Variants in TTLL5 observed in about 807,000 individuals in gnomAD.
The protein encoded by TTLL5 is tubulin polyglutamylase TTLL5.
In TTLL5, 132 loss-of-function variants were observed where a neutral mutation model predicts 168.4. That is an observed-to-expected ratio of 0.78 (90% CI 0.68 to 0.91). The LOEUF (loss-of-function observed/expected upper bound fraction) is 0.91. TTLL5 is among the 40% of genes least tolerant of loss of function. The probability of loss-of-function intolerance (pLI) is 0.00; values close to 1 mark genes in which losing one functional copy is unlikely to be tolerated. For synonymous variants in TTLL5, 546 were observed against 558.6 expected (o/e 0.98, Z 0.32); for missense variants, 1,545 against 1,581.5 (o/e 0.98, Z 0.39).
At chr14:75,930,718 G>T (rs1234027533) in intron 31 of TTLL5, 1 of 856,362 alleles carries the variant, frequency 1.2e-6, no homozygotes, top group Non-Finnish European at 1.4e-6. Context: ...AGAGAAAGAA[G>T]CGATTTCACC....
At chr14:75,863,576 A>G (rs977333488) in intron 28 of TTLL5, 91 bp from the exon 29 acceptor site, 7 of 1,277,030 alleles carry the variant, frequency 5.5e-6, no homozygotes, top group Non-Finnish European at 7.5e-6. Context: ...TTGGTTCCAT[A>G]TTGGAAAAAT....
intron 5 of TTLL5, 90 bp from the exon 6 acceptor site, chr14:75,690,102 G>A: frequency 7.1e-7 from 1 of 1,417,188 alleles, no homozygotes; most frequent in Non-Finnish European, 9.9e-7. Context: ...ACCGGTCTAG[G>A]ACTGTGAACT....
chr14:75,713,984 C>A (rs1887265015), intron 9 of TTLL5, among the ~76,000 whole-genome samples: 1 of 151,400 alleles, frequency 6.6e-6, no homozygotes, highest in South Asian at 2.1e-4. Context: ...CAAAAGGATC[C>A]AATCAAGGAT....
At chr14:75,855,697 A>G (rs772299349) in intron 28 of TTLL5, among the ~76,000 whole-genome samples, 6 of 152,210 alleles carry the variant, frequency 3.9e-5, no homozygotes, top group Admixed American at 2.0e-4. Flanking sequence ...CATATGCAAG[A>G]CATACTTCAA....
At chr14:75,839,344 G>T (rs1896083912) in intron 28 of TTLL5, among the ~76,000 whole-genome samples, 1 of 152,042 alleles carries the variant, frequency 6.6e-6, no homozygotes, top group Admixed American at 6.5e-5. Flanking sequence ...AGTGCACAAG[G>T]GTTCCAATTT....
At chr14:75,776,626 T>G in intron 22 of TTLL5, 121 bp from the exon 23 acceptor site, 1 of 580,386 alleles carries the variant, frequency 1.7e-6, no homozygotes, top group South Asian at 3.6e-5. Context: ...ATACAAGAAT[T>G]AAATGTCTTT....
intron 28 of TTLL5, among the ~76,000 whole-genome samples, chr14:75,827,560 A>G (rs1461788901): frequency 2.0e-5 from 3 of 152,124 alleles, no homozygotes; most frequent in Non-Finnish European, 2.9e-5. Context: ...GGTGTTCATT[A>G]TAAGTTACAA....
chr14:75,923,926 C>T (rs2033914447), intron 31 of TTLL5, among the ~76,000 whole-genome samples: 1 of 152,098 alleles, frequency 6.6e-6, no homozygotes, highest in African/African-American at 2.4e-5. Flanking sequence ...ATAGTTAGCT[C>T]TTCTTGTTGA....
At chr14:75,805,417 C>T (rs558593078) in intron 27 of TTLL5, among the ~76,000 whole-genome samples, 9 of 152,156 alleles carry the variant, frequency 5.9e-5, no homozygotes, top group Non-Finnish European at 1.2e-4. Context: ...TGGGCATCTG[C>T]TTCTCCCTGG....
intron 28 of TTLL5, among the ~76,000 whole-genome samples, chr14:75,827,707 C>CTTTTTTTTTTTTTTTTT (rs561078439): frequency 5.6e-5 from 3 of 53,204 alleles, no homozygotes; most frequent in African/African-American, 1.6e-4. Context: ...TGGCTTGGTT[C>CTTTTTTTTTTTTTTTTT]TTTTTTTTTT....
chr14:75,772,119 A>AT (rs1236825235), intron 21 of TTLL5, among the ~76,000 whole-genome samples: 1 of 152,212 alleles, frequency 6.6e-6, no homozygotes, highest in African/African-American at 2.4e-5. Context: ...TTCATTTTGA[A>AT]TTGGAAATTG....
intron 28 of TTLL5, among the ~76,000 whole-genome samples, chr14:75,861,956 G>A (rs2030039035): frequency 6.6e-6 from 1 of 152,284 alleles, no homozygotes; most frequent in African/African-American, 2.4e-5. Context: ...TCTGTCTCCA[G>A]AACTTTGTCA....
intron 31 of TTLL5, among the ~76,000 whole-genome samples, chr14:75,914,031 A>ATATATATATATATATATATAT (rs1375194323): frequency 2.6e-5 from 2 of 77,292 alleles, no homozygotes; most frequent in African/African-American, 3.4e-4. Flanking sequence ...AAAAAAAAAA[A>ATATATATATATATATATATAT]AAATATATAT....
intron 29 of TTLL5, among the ~76,000 whole-genome samples, chr14:75,870,088 G>A (rs935098570): frequency 6.6e-6 from 1 of 151,742 alleles, no homozygotes; most frequent in African/African-American, 2.4e-5. Context: ...AAAAGTGCTG[G>A]GATTACAGGC....
At chr14:75,762,791 T>C (rs944173114) in intron 18 of TTLL5, among the ~76,000 whole-genome samples, 1 of 152,248 alleles carries the variant, frequency 6.6e-6, no homozygotes, top group Non-Finnish European at 1.5e-5. Context: ...GTTTATTTTT[T>C]GAGTTTTTGT....
intron 28 of TTLL5, among the ~76,000 whole-genome samples, chr14:75,846,557 G>A (rs903480621): frequency 3.3e-5 from 5 of 152,106 alleles, no homozygotes; most frequent in African/African-American, 7.2e-5. Flanking sequence ...TTGGGAGGCC[G>A]AGGCGGGCGG....
chr14:75,840,569 G>A (rs925112722), intron 28 of TTLL5, among the ~76,000 whole-genome samples: 10 of 152,152 alleles, frequency 6.6e-5, no homozygotes, highest in African/African-American at 2.2e-4. Flanking sequence ...AGTGTGGGAG[G>A]GAACTACGCA....
intron 30 of TTLL5, among the ~76,000 whole-genome samples, chr14:75,894,486 G>A (rs760017159): frequency 2.6e-5 from 4 of 152,140 alleles, no homozygotes; most frequent in African/African-American, 4.8e-5. Flanking sequence ...CCAGGAGGCT[G>A]AGGTTGCAGT....
At chr14:75,737,239 A>G (rs1888967928) in intron 15 of TTLL5, among the ~76,000 whole-genome samples, 1 of 152,208 alleles carries the variant, frequency 6.6e-6, no homozygotes, top group African/African-American at 2.4e-5. Flanking sequence ...CACTTACATA[A>G]AGGCTAAAGG....
Sources: gnomAD v4.1 joint callset for allele counts (sites outside exome capture counted in the v4.1 genomes callset) on GRCh38, gnomAD v4.1.1 for gene constraint, MANE v1.5 for transcripts, NCBI Gene and HGNC (gene_info 2026-07-23, HGNC 2026-07-21) for gene names.